Variants in RARB observed in about 807,000 individuals in gnomAD.
RARB encodes the protein retinoic acid receptor beta, also known as HBV-activated protein.
RARB carries 17 observed loss-of-function variants against 51.9 expected under a neutral mutation model. The observed-to-expected ratio is 0.33, with a 90% CI of 0.22 to 0.49. The LOEUF (loss-of-function observed/expected upper bound fraction) is 0.49, where lower values mean the gene tolerates loss of function less well. Among genes scored for constraint, RARB ranks in the 20% least tolerant of loss-of-function variants. The pLI, the probability that RARB is intolerant of heterozygous loss-of-function variation, is 0.99. For synonymous variants in RARB, 215 were observed against 195.4 expected (o/e 1.10, Z -0.84); for missense variants, 369 against 550.8 (o/e 0.67, Z 3.30).
chr3:25,244,225 A>T (rs1001622203), intron 5 of RARB, among the ~76,000 whole-genome samples: 3 of 147,170 alleles, frequency 2.0e-5, no homozygotes, highest in Non-Finnish European at 4.5e-5. Context: ...TCTGGCTAGC[A>T]GTCTATTTTT....
intron 5 of RARB, among the ~76,000 whole-genome samples, chr3:25,333,027 G>A (rs559890997): frequency 3.3e-5 from 5 of 152,124 alleles, no homozygotes; most frequent in Admixed American, 3.3e-4. Context: ...AAATAAAAGA[G>A]GACACAAACA....
In RARB at chr3:25,416,028, T is replaced by C. The variant is rs530582120; in HGVS notation, c.179-45165T>C. The stretch of plus-strand genomic sequence containing the variant: ...ACCTAGAGTCCTATTTTAATTAGGG[T>C]CATCATTGTCTTAATTATGGCAACA... On this transcript the variant is annotated intron_variant, in intron 5 of 11. Transcript: ENST00000383772. 3.3e-3 allele frequency among the ~76,000 whole-genome samples: 503 copies of C among 152,176 alleles called. 4 individuals are homozygous for C. The highest frequency in any genetic ancestry group is 0.012 in the African/African-American group (487 of 41,534).
At chr3:25,287,712 C>A (rs1026115753) in intron 5 of RARB, among the ~76,000 whole-genome samples, 5 of 152,108 alleles carry the variant, frequency 3.3e-5, no homozygotes, top group African/African-American at 1.2e-4. Context: ...GGGAAAGTGG[C>A]CTAATCAAAT....
intron 5 of RARB, among the ~76,000 whole-genome samples, chr3:25,262,368 G>A (rs528865829): frequency 1.3e-4 from 20 of 152,148 alleles, no homozygotes; most frequent in East Asian, 1.2e-3. Context: ...TCGATTTTTC[G>A]TGTCTGCTAT....
At chr3:25,073,204 A>T (rs1464296805) in intron 3 of RARB, among the ~76,000 whole-genome samples, 2 of 152,208 alleles carry the variant, frequency 1.3e-5, no homozygotes, top group African/African-American at 2.4e-5. Context: ...AGCCGTAATG[A>T]AGCAGAGAAA....
At chr3:25,519,273 C>T (rs751642268) in intron 3 of RARB, among the ~76,000 whole-genome samples, 3 of 151,886 alleles carry the variant, frequency 2.0e-5, no homozygotes, top group Admixed American at 6.6e-5. Context: ...TTATTTCTCC[C>T]GGGTATAGAC....
chr3:25,328,725 C>A (rs896369447), intron 5 of RARB, among the ~76,000 whole-genome samples: 1 of 152,134 alleles, frequency 6.6e-6, no homozygotes, highest in African/African-American at 2.4e-5. Context: ...CAGGGCGGGG[C>A]ATCACTGCAC....
chr3:25,450,864 C>T (rs1709162238), intron 1 of RARB, among the ~76,000 whole-genome samples: 1 of 152,136 alleles, frequency 6.6e-6, no homozygotes, highest in African/African-American at 2.4e-5. Flanking sequence ...GGAGGAGGAT[C>T]ACCTGAGGTC....
intron 2 of RARB, among the ~76,000 whole-genome samples, chr3:24,906,874 A>T (rs1161719965): frequency 6.7e-6 from 1 of 150,356 alleles, no homozygotes; most frequent in African/African-American, 2.4e-5. Flanking sequence ...AAGCAAAAAA[A>T]CCCCCCACTA....
At chr3:25,270,195 T>C (rs1351181519) in intron 5 of RARB, among the ~76,000 whole-genome samples, 2 of 152,188 alleles carry the variant, frequency 1.3e-5, no homozygotes, top group Non-Finnish European at 2.9e-5. Context: ...ACACCAATGT[T>C]CATAGCAACT....
intron 2 of RARB, among the ~76,000 whole-genome samples, chr3:24,974,523 A>C (rs1234762789): frequency 6.6e-6 from 1 of 152,082 alleles, no homozygotes; most frequent in Non-Finnish European, 1.5e-5. Flanking sequence ...CTGACTCAGC[A>C]TAGGCCTCTG....
At chr3:25,215,153 A>G (rs1279922728) in intron 5 of RARB, among the ~76,000 whole-genome samples, 1 of 152,180 alleles carries the variant, frequency 6.6e-6, no homozygotes, top group Non-Finnish European at 1.5e-5. Flanking sequence ...TCAGTACCTT[A>G]GCTTCTGTTT....
chr3:25,312,046 T>A (rs1704303242), intron 5 of RARB, among the ~76,000 whole-genome samples: 1 of 152,216 alleles, frequency 6.6e-6, no homozygotes, highest in Non-Finnish European at 1.5e-5. Context: ...AAATATGGGT[T>A]CTTTGGGGGA....
At chr3:24,873,705 T>G (rs927598504) in intron 2 of RARB, among the ~76,000 whole-genome samples, 4 of 152,008 alleles carry the variant, frequency 2.6e-5, no homozygotes, top group African/African-American at 9.7e-5. Context: ...CAGCTATAAA[T>G]TTTCCCCAAA....
At chr3:24,952,888 G>C (rs934219161) in intron 2 of RARB, among the ~76,000 whole-genome samples, 4 of 151,266 alleles carry the variant, frequency 2.6e-5, no homozygotes, top group African/African-American at 9.7e-5. Flanking sequence ...TTTTTTGTTT[G>C]TTTGTTTTGT....
At chr3:25,268,115 C>T (rs1246207204) in intron 5 of RARB, among the ~76,000 whole-genome samples, 1 of 152,146 alleles carries the variant, frequency 6.6e-6, no homozygotes, top group Non-Finnish European at 1.5e-5. Flanking sequence ...CTTGAGGTCA[C>T]AGTCTAACAT....
intron 2 of RARB, among the ~76,000 whole-genome samples, chr3:24,889,297 A>G (rs1703326179): frequency 6.6e-6 from 1 of 152,170 alleles, no homozygotes; most frequent in African/African-American, 2.4e-5. Flanking sequence ...TATTTTCATT[A>G]ATAAGAGAGT....
At position 24,949,980 on chromosome 3, in the gene RARB, G is replaced by A. The variant is rs918455907; in HGVS notation, c.-380+91228G>A. ...CACACCCAATAACAGAGGGAAGAGC[G>A]AAAGGACAGATTATAGCAGTTGCAA... is the stretch of plus-strand genomic sequence containing the variant. On this transcript the variant is annotated intron_variant, in intron 2 of 11. Transcript: ENST00000383772. Among the ~76,000 whole-genome samples, 5 of 152,180 alleles carry A rather than the reference G, an allele frequency of 3.3e-5. No homozygotes were observed. The East Asian group carries it at 5.8e-4, about 18-fold the overall frequency.
chr3:24,947,267 G>A (rs147701513), intron 2 of RARB, among the ~76,000 whole-genome samples: 7 of 152,304 alleles, frequency 4.6e-5, no homozygotes, highest in East Asian at 1.9e-4. Context: ...AAAGTCATAC[G>A]TGAACCTATA....
Sources: allele counts gnomAD v4.1 joint callset (sites outside exome capture counted in the v4.1 genomes callset), GRCh38; gene constraint gnomAD v4.1.1; transcripts MANE v1.5; gene names NCBI Gene and HGNC (gene_info 2026-07-23, HGNC 2026-07-21).